Variants in PTP4A2 observed in about 807,000 individuals in gnomAD.
The protein encoded by PTP4A2 is protein tyrosine phosphatase type IVA 2.
A neutral mutation model predicts 22.9 loss-of-function variants in PTP4A2; 2 were observed. The observed-to-expected ratio is 0.09, with a 90% CI of 0.04 to 0.27. The LOEUF (loss-of-function observed/expected upper bound fraction) is 0.27, where lower values mean the gene tolerates loss of function less well. Ranked by LOEUF, PTP4A2 falls within the 10% of genes least tolerant of loss-of-function variation. The pLI is 1.00. For missense variants in PTP4A2, 103 were observed against 205.1 expected (o/e 0.50, Z 3.04); for synonymous variants, 68 against 69.1 (o/e 0.98, Z 0.08).
intron 1 of PTP4A2, among the ~76,000 whole-genome samples, chr1:31,935,064 G>A (rs528642578): frequency 2.0e-5 from 3 of 152,224 alleles, no homozygotes; most frequent in Non-Finnish European, 2.9e-5. Flanking sequence ...GTGCTTTCAC[G>A]TGTATTTTCT....
At chr1:31,924,068 G>A (rs902274767) in intron 1 of PTP4A2, 17 of 152,178 alleles carry the variant, frequency 1.1e-4, no homozygotes, top group African/African-American at 3.4e-4. Context: ...ATGTGTGTCA[G>A]CTGAGTAAAG....
chr1:31,923,417 C>G (rs1286829170), intron 1 of PTP4A2, among the ~76,000 whole-genome samples: 1 of 148,226 alleles, frequency 6.7e-6, no homozygotes, highest in Non-Finnish European at 1.5e-5. Flanking sequence ...TCACTGCAAG[C>G]TCCGCCTCCC....
At chr1:31,917,345 T>C (rs1651901062) in intron 2 of PTP4A2, among the ~76,000 whole-genome samples, 1 of 152,222 alleles carries the variant, frequency 6.6e-6, no homozygotes. Flanking sequence ...ATCTAAAGTG[T>C]AAAATTATTT....
chr1:31,937,156 T>G (rs1652970563), intron 1 of PTP4A2, among the ~76,000 whole-genome samples: 2 of 152,172 alleles, frequency 1.3e-5, no homozygotes, highest in Admixed American at 6.5e-5. Context: ...GGCCCCAGAC[T>G]AGGATAGGAT....
intron 1 of PTP4A2, among the ~76,000 whole-genome samples, chr1:31,936,740 C>T (rs781424707): frequency 3.3e-5 from 5 of 152,152 alleles, no homozygotes; most frequent in Non-Finnish European, 5.9e-5. Flanking sequence ...GGTGTGCTGG[C>T]AAGTGATTCT....
chr1:31,930,323 G>A (rs1189213608), intron 1 of PTP4A2, among the ~76,000 whole-genome samples: 2 of 152,036 alleles, frequency 1.3e-5, no homozygotes, highest in East Asian at 3.9e-4. Context: ...CTGGGCGACA[G>A]TGAGACTCCA....
chr1:31,935,156 C>CAATA (rs969701868), intron 1 of PTP4A2, among the ~76,000 whole-genome samples: 1 of 152,152 alleles, frequency 6.6e-6, no homozygotes, highest in Non-Finnish European at 1.5e-5. Flanking sequence ...CTCTTGGCCC[C>CAATA]AATAAATATA....
At chr1:31,916,232 C>A (rs12125438) in intron 2 of PTP4A2, among the ~76,000 whole-genome samples, 1 of 149,314 alleles carries the variant, frequency 6.7e-6, no homozygotes, top group African/African-American at 2.5e-5. Flanking sequence ...GTAATCCCAG[C>A]TACTCAGGAG....
intron 3 of PTP4A2, chr1:31,913,958 A>C (rs1183098490): frequency 3.6e-5 from 16 of 449,084 alleles, no homozygotes; most frequent in Non-Finnish European, 4.5e-6. Flanking sequence ...TTTTAAACAC[A>C]GGGCTGCATT....
chr1:31,925,468 T>A (rs1652403602), intron 1 of PTP4A2, among the ~76,000 whole-genome samples: 1 of 152,080 alleles, frequency 6.6e-6, no homozygotes, highest in African/African-American at 2.4e-5. Flanking sequence ...TAAAGTGAAT[T>A]TAGAGGCCGG....
At position 31,906,637 on chromosome 1, in the gene PTP4A2, A is replaced by T. The variant is rs796246019; in HGVS notation, c.*2215T>A. 2.6e-5 allele frequency: 4 copies of T among 152,194 alleles called. No homozygotes were observed. Among genetic ancestry groups the T allele is most frequent in the African/African-American group, 9.6e-5 (4 of 41,518 alleles). 9.4% of individuals were successfully genotyped at this position (152,194 alleles called of 1,614,324 possible). ...AGTCTTTAAAATAAAAGGAGGGCTA[A>T]TGTTTCATGTTGCTTTATACATCCT... On this transcript the variant is annotated 3_prime_UTR_variant, in exon 6 of 6. Coordinates refer to ENST00000647444, the MANE Select transcript of PTP4A2 (RefSeq NM_080391.4).
intron 1 of PTP4A2, chr1:31,924,097 T>C (rs1652336457): frequency 6.6e-6 from 1 of 152,204 alleles, no homozygotes; most frequent in Non-Finnish European, 1.5e-5. Context: ...AGACCTGCAT[T>C]GTAGTGACAG....
At chr1:31,911,252 A>G (rs1569576305) in intron 4 of PTP4A2, 1 of 152,642 alleles carries the variant, frequency 6.6e-6, no homozygotes, top group Non-Finnish European at 1.5e-5. Flanking sequence ...CACCATTCTA[A>G]GCAATGCTCA....
Position 31,907,440 on chromosome 1 carries a change from C to T in PTP4A2, c.*1412G>A, listed in dbSNP as rs1204818387. 1 of 152,200 alleles carries T rather than the reference C, an allele frequency of 6.6e-6. No homozygotes were observed. Among genetic ancestry groups the T allele is most frequent in the Non-Finnish European group, 1.5e-5 (1 of 68,080 alleles). The allele number at this position is 152,200 out of a possible 1,614,324, so 9.4% of individuals were successfully genotyped here. Reference sequence around the variant, plus strand: ...CAGCCAAGAATCTGCAAAAATGCTACTACACCGCTTCACAAGCAACACAGT... The same window carrying T: ...CAGCCAAGAATCTGCAAAAATGCTATTACACCGCTTCACAAGCAACACAGT... On this transcript the variant is annotated 3_prime_UTR_variant, in exon 6 of 6. Transcript: ENST00000647444.
chr1:31,936,627 T>C (rs148491626), intron 1 of PTP4A2, among the ~76,000 whole-genome samples: 11 of 152,268 alleles, frequency 7.2e-5, no homozygotes, highest in East Asian at 1.9e-4. Flanking sequence ...AACACAAGAA[T>C]GGGAAAAGTC....
At chr1:31,921,002 T>C (rs1324567418) in intron 1 of PTP4A2, among the ~76,000 whole-genome samples, 3 of 152,196 alleles carry the variant, frequency 2.0e-5, no homozygotes, top group African/African-American at 4.8e-5. Flanking sequence ...CCAAAGTATA[T>C]GTGTTGGCCC....
rs1273116840 is a variant in PTP4A2 at position 31,907,443 on chromosome 1, C to T, written c.*1409G>A. 6.6e-6 allele frequency: 1 copy of T among 152,236 alleles called. No homozygotes were observed. The highest frequency in any genetic ancestry group is 2.4e-5 in the African/African-American group (1 of 41,430). The allele number at this position is 152,236 out of a possible 1,614,324, so 9.4% of individuals were successfully genotyped here. A position where few individuals can be genotyped will look rare whatever the true frequency, so the allele number is the denominator to read the frequency against. On this transcript the variant is annotated 3_prime_UTR_variant, in exon 6 of 6. Transcript: ENST00000647444. ...CCAAGAATCTGCAAAAATGCTACTA[C>T]ACCGCTTCACAAGCAACACAGTCCC...
At chr1:31,922,732 A>G (rs1016317288) in intron 1 of PTP4A2, among the ~76,000 whole-genome samples, 1 of 151,294 alleles carries the variant, frequency 6.6e-6, no homozygotes, top group Non-Finnish European at 1.5e-5. Context: ...GTCTCAAGCG[A>G]TCCTCCCACC....
chr1:31,909,401 C>T (rs570686499), intron 5 of PTP4A2, among the ~76,000 whole-genome samples: 20 of 152,224 alleles, frequency 1.3e-4, no homozygotes, highest in Admixed American at 5.9e-4. Context: ...TGAGGCCAGG[C>T]GTGGTGGCTC....
Sources: allele counts gnomAD v4.1 joint callset (sites outside exome capture counted in the v4.1 genomes callset), GRCh38; gene constraint gnomAD v4.1.1; transcripts MANE v1.5; gene names NCBI Gene and HGNC (gene_info 2026-07-23, HGNC 2026-07-21).